Variants in ST3GAL6 observed in about 807,000 individuals in gnomAD.
The protein encoded by ST3GAL6 is ST3 beta-galactoside alpha-2,3-sialyltransferase 6, also known as type 2 lactosamine alpha-2,3-sialyltransferase.
A neutral mutation model predicts 40.5 loss-of-function variants in ST3GAL6; 31 were observed. The ratio of observed to expected loss-of-function variants is 0.77; its 90% CI spans 0.58 to 1.03. The LOEUF (loss-of-function observed/expected upper bound fraction) is 1.03, where lower values mean the gene tolerates loss of function less well. ST3GAL6 is among the 50% of genes least tolerant of loss of function. The pLI is 0.00. For missense variants in ST3GAL6, 357 were observed against 393.2 expected (o/e 0.91, Z 0.78); for synonymous variants, 129 against 136.9 (o/e 0.94, Z 0.40).
At chr3:98,739,264 A>C (rs1377884610) in intron 1 of ST3GAL6, among the ~76,000 whole-genome samples, 1 of 152,114 alleles carries the variant, frequency 6.6e-6, no homozygotes, top group Non-Finnish European at 1.5e-5. Context: ...CCAAATTAAC[A>C]ACCTAACATC....
chr3:98,762,234 T>G (rs1040880632), upstream of ST3GAL6, among the ~76,000 whole-genome samples: 8 of 152,208 alleles, frequency 5.3e-5, no homozygotes, highest in Non-Finnish European at 7.4e-5. Context: ...CGTGTTCCCT[T>G]TCTGCAATGC....
chr3:98,743,684 C>T (rs1417907657), intron 1 of ST3GAL6, among the ~76,000 whole-genome samples: 2 of 152,208 alleles, frequency 1.3e-5, no homozygotes. Context: ...AATACAGGCC[C>T]TCCAGAAGGG....
intron 1 of ST3GAL6, among the ~76,000 whole-genome samples, chr3:98,743,903 C>T (rs1001780549): frequency 2.8e-5 from 4 of 145,202 alleles, no homozygotes; most frequent in Middle Eastern, 3.2e-3. Flanking sequence ...TGCCCCCCTC[C>T]CCCCCCCGCT....
In ST3GAL6 at chr3:98,767,984, ACAT is replaced by A. The variant is rs199962028; in HGVS notation, c.-11-442_-11-440del. On this transcript the variant is annotated intron_variant, in intron 1 of 9. Transcript: ENST00000483910. Reference sequence around the variant, plus strand: ...AAAAATTATAATGTATAACATTTTAACATCATTTCAAGCACTGAAGAAATGAAA... The same window carrying A: ...AAAAATTATAATGTATAACATTTTAACATTTCAAGCACTGAAGAAATGAAA... Among the ~76,000 whole-genome samples, 1,518 of 152,358 alleles carry A rather than the reference ACAT, an allele frequency of 1.0e-2. 33 individuals carry two copies. Among genetic ancestry groups the A allele is most frequent in the African/African-American group, 0.035 (1,437 of 41,584 alleles).
chr3:98,765,647 CCTT>C (rs1248227066), intron 1 of ST3GAL6, among the ~76,000 whole-genome samples: 4 of 152,182 alleles, frequency 2.6e-5, no homozygotes, highest in Non-Finnish European at 5.9e-5. Context: ...GCCAGTGAGT[CCTT>C]CTTTCCCTTG....
upstream of ST3GAL6, chr3:98,763,010 T>A (rs564457372): frequency 2.4e-5 from 24 of 985,428 alleles, no homozygotes; most frequent in Admixed American, 8.6e-4. Context: ...ACCTAATTAG[T>A]AATAAGGACC....
At chr3:98,749,063 G>A (rs977646049) in intron 1 of ST3GAL6, among the ~76,000 whole-genome samples, 23 of 152,108 alleles carry the variant, frequency 1.5e-4, no homozygotes, top group Admixed American at 4.6e-4. Context: ...CTTCTTCGCT[G>A]CTGTATCTCC....
chr3:98,743,369 A>G (rs942147810), intron 1 of ST3GAL6, among the ~76,000 whole-genome samples: 3 of 151,910 alleles, frequency 2.0e-5, no homozygotes, highest in African/African-American at 7.3e-5. Context: ...TTCCAGTTAT[A>G]AAGCAGCCTC....
intron 5 of ST3GAL6, 40 bp downstream of exon 5, chr3:98,774,023 C>A: frequency 4.0e-6 from 6 of 1,482,902 alleles, no homozygotes; most frequent in Non-Finnish European, 5.6e-6. Flanking sequence ...CTTTTAGCTT[C>A]AGCTAAGCTG....
intron 1 of ST3GAL6, chr3:98,756,618 C>T (rs1937439131): frequency 1.8e-6 from 2 of 1,082,322 alleles, no homozygotes; most frequent in South Asian, 3.8e-5. Flanking sequence ...TTATACAATG[C>T]TTCTCTTGTG....
intron 1 of ST3GAL6, chr3:98,732,906 G>C: frequency 6.6e-7 from 1 of 1,508,758 alleles, no homozygotes; most frequent in Non-Finnish European, 8.8e-7. Flanking sequence ...GGCTGGAGCA[G>C]CGGCCCCTCA....
chr3:98,776,655 T>C (rs1939580297), intron 5 of ST3GAL6, among the ~76,000 whole-genome samples: 2 of 152,236 alleles, frequency 1.3e-5, no homozygotes, highest in Non-Finnish European at 2.9e-5. Context: ...CTGGCCTTGC[T>C]CTCTGCTCAT....
At chr3:98,782,494 T>C (rs1297566662) in intron 5 of ST3GAL6, 4 of 608,092 alleles carry the variant, frequency 6.6e-6, no homozygotes, top group Admixed American at 5.7e-5. Flanking sequence ...CCATACAAGA[T>C]GAATTTACAC....
chr3:98,736,328 T>C (rs538367789), intron 1 of ST3GAL6, among the ~76,000 whole-genome samples: 2 of 152,372 alleles, frequency 1.3e-5, no homozygotes, highest in African/African-American at 4.8e-5. Context: ...CATTGCATAC[T>C]TTGCAATGTA....
chr3:98,749,587 T>C (rs1936830412), intron 1 of ST3GAL6, among the ~76,000 whole-genome samples: 1 of 152,218 alleles, frequency 6.6e-6, no homozygotes, highest in Admixed American at 6.5e-5. Context: ...TCAGAATAAA[T>C]TGGCATAATA....
chr3:98,776,898 A>G (rs959736051), intron 5 of ST3GAL6, among the ~76,000 whole-genome samples: 1 of 152,192 alleles, frequency 6.6e-6, no homozygotes, highest in Non-Finnish European at 1.5e-5. Flanking sequence ...GTTGGGATAG[A>G]TTCCACTGTG....
intron 1 of ST3GAL6, among the ~76,000 whole-genome samples, chr3:98,758,045 G>A (rs529520141): frequency 1.7e-3 from 264 of 152,078 alleles, no homozygotes; most frequent in Non-Finnish European, 2.8e-3. Flanking sequence ...CTATATGTTG[G>A]CCAGGCTGGT....
Position 98,773,932 on chromosome 3 carries a change from G to T in ST3GAL6, c.284G>T (p.Arg95Leu). 1 of 1,612,906 alleles carries T rather than the reference G, an allele frequency of 6.2e-7. No individual in the cohort carries two copies. The highest frequency in any genetic ancestry group is 1.1e-5 in the South Asian group (1 of 90,914). ...ATTTGTTTTCTAGCGGAATATTTTC[G>T]ACTTGCTCTTTCAAAACTGCAGAGT... is the stretch of plus-strand genomic sequence containing the variant. ...YGMRTSAEYF[R>L]LALSKLQSCD... The change falls in exon 5 of 10, where the codon CGA becomes CTA. Residue 95 changes from arginine (R) to leucine (L), a missense_variant. By Grantham distance (102) the Arg-to-Leu change is moderately radical. Transcript: ENST00000483910.
intron 1 of ST3GAL6, among the ~76,000 whole-genome samples, chr3:98,766,151 A>G (rs1214802316): frequency 2.0e-5 from 3 of 152,132 alleles, no homozygotes; most frequent in African/African-American, 2.4e-5. Flanking sequence ...TTTGTTTTTA[A>G]TTAGACCACA....
Sources: allele counts gnomAD v4.1 joint callset (sites outside exome capture counted in the v4.1 genomes callset), GRCh38; gene constraint gnomAD v4.1.1; transcripts MANE v1.5; gene names NCBI Gene and HGNC (gene_info 2026-07-23, HGNC 2026-07-21).